Variants in MIPOL1 observed in about 807,000 individuals in gnomAD.
MIPOL1 encodes the protein mirror-image polydactyly gene 1 protein.
A neutral mutation model predicts 60.9 loss-of-function variants in MIPOL1; 57 were observed. That is an observed-to-expected ratio of 0.94 (90% CI 0.76 to 1.17). The LOEUF (loss-of-function observed/expected upper bound fraction) is 1.17. Among genes scored for constraint, MIPOL1 ranks in the 50% most tolerant of loss-of-function variants. The pLI is 0.00. For synonymous variants in MIPOL1, 179 were observed against 168.8 expected (o/e 1.06, Z -0.47); for missense variants, 551 against 511.6 (o/e 1.08, Z -0.74).
At chr14:37,486,667 T>A (rs926628116) in intron 11 of MIPOL1, among the ~76,000 whole-genome samples, 1 of 152,062 alleles carries the variant, frequency 6.6e-6, no homozygotes, top group Admixed American at 6.6e-5. Context: ...TGATTTTTGC[T>A]CATTGATTTT....
chr14:37,208,808 C>T (rs1425123630), intron 1 of MIPOL1, among the ~76,000 whole-genome samples: 1 of 152,144 alleles, frequency 6.6e-6, no homozygotes, highest in Non-Finnish European at 1.5e-5. Flanking sequence ...CCAGGCTGGT[C>T]TCAAACTCCT....
Position 37,521,714 on chromosome 14 carries a change from T to G in MIPOL1, c.1262+21576T>G, listed in dbSNP as rs190865116. 9.4e-4 allele frequency among the ~76,000 whole-genome samples: 143 copies of G among 152,148 alleles called. 2 individuals are homozygous for G. The East Asian group carries it at 0.026, about 28-fold the overall frequency. ...GCGGATCTCTTCCAGTACTCCACTTTGCTCATTTGTGGGCTCTCAGAAGTC... is the reference window on the plus strand; with the variant it reads ...GCGGATCTCTTCCAGTACTCCACTTGGCTCATTTGTGGGCTCTCAGAAGTC... On this transcript the variant is annotated intron_variant, in intron 12 of 12. Coordinates refer to ENST00000684589, the MANE Select transcript of MIPOL1 (RefSeq NM_001388067.1).
intron 1 of MIPOL1, among the ~76,000 whole-genome samples, chr14:37,212,657 G>A (rs557141118): frequency 4.1e-4 from 62 of 152,288 alleles, no homozygotes; most frequent in Non-Finnish European, 6.2e-4. Flanking sequence ...ACCCTGAAGG[G>A]AAGGACATAG....
At chr14:37,233,368 A>T (rs1263353642) in intron 1 of MIPOL1, among the ~76,000 whole-genome samples, 2 of 152,174 alleles carry the variant, frequency 1.3e-5, no homozygotes, top group East Asian at 3.9e-4. Context: ...CAAAAAGTTT[A>T]TTCTATATGT....
intron 10 of MIPOL1, among the ~76,000 whole-genome samples, chr14:37,385,260 G>A (rs1252351839): frequency 6.6e-6 from 1 of 152,022 alleles, no homozygotes; most frequent in Non-Finnish European, 1.5e-5. Flanking sequence ...ATATTTAATT[G>A]GCTACATTTA....
At chr14:37,509,981 T>A (rs2095313852) in intron 12 of MIPOL1, among the ~76,000 whole-genome samples, 1 of 151,678 alleles carries the variant, frequency 6.6e-6, no homozygotes, top group Non-Finnish European at 1.5e-5. Context: ...TATGCATACA[T>A]ACGTAGTTTA....
chr14:37,513,141 C>A (rs933819870), intron 12 of MIPOL1, among the ~76,000 whole-genome samples: 1 of 151,938 alleles, frequency 6.6e-6, no homozygotes, highest in Non-Finnish European at 1.5e-5. Flanking sequence ...AATTTTTATT[C>A]TTTGACATGT....
At chr14:37,365,561 C>T (rs942257134) in intron 9 of MIPOL1, among the ~76,000 whole-genome samples, 2 of 152,146 alleles carry the variant, frequency 1.3e-5, no homozygotes, top group Non-Finnish European at 2.9e-5. Flanking sequence ...ATAAATCCCA[C>T]TTAGTCATGA....
chr14:37,467,713 A>C (rs1411344399), intron 11 of MIPOL1, among the ~76,000 whole-genome samples: 1 of 152,130 alleles, frequency 6.6e-6, no homozygotes, highest in African/African-American at 2.4e-5. Context: ...AATATTAAGC[A>C]GTCTTTGAGG....
chr14:37,444,242 A>G (rs989088341), intron 11 of MIPOL1, among the ~76,000 whole-genome samples: 1 of 152,168 alleles, frequency 6.6e-6, no homozygotes, highest in Non-Finnish European at 1.5e-5. Context: ...TGGAAATACA[A>G]TTGATTTTTA....
intron 1 of MIPOL1, among the ~76,000 whole-genome samples, chr14:37,222,962 T>C (rs1381079374): frequency 6.6e-6 from 1 of 152,088 alleles, no homozygotes; most frequent in Non-Finnish European, 1.5e-5. Context: ...AAAGAGAGGG[T>C]CTTCATCTAT....
intron 12 of MIPOL1, among the ~76,000 whole-genome samples, chr14:37,501,292 T>C (rs1295038129): frequency 6.6e-6 from 1 of 152,252 alleles, no homozygotes; most frequent in Admixed American, 6.5e-5. Flanking sequence ...CTATGATGTA[T>C]AGGTAGATCT....
chr14:37,412,925 A>T (rs933706112), intron 10 of MIPOL1, among the ~76,000 whole-genome samples: 1 of 152,188 alleles, frequency 6.6e-6, no homozygotes, highest in Non-Finnish European at 1.5e-5. Flanking sequence ...AATAATTAAA[A>T]TGGGGCTTGA....
chr14:37,426,651 G>GTATA (rs200593789), intron 11 of MIPOL1, among the ~76,000 whole-genome samples: 27 of 137,808 alleles, frequency 2.0e-4, no homozygotes, highest in African/African-American at 7.0e-4. Context: ...TTATATATGT[G>GTATA]TATATATATA....
chr14:37,354,077 A>C lies in MIPOL1; in HGVS notation c.829-15440A>C, dbSNP rs1178102118. Reference sequence around the variant, plus strand: ...AAATTTCCCTCTACACACTGCTTTGAATGTGTCCCAGAGATTCTGGTATGT... The same window carrying C: ...AAATTTCCCTCTACACACTGCTTTGCATGTGTCCCAGAGATTCTGGTATGT... On this transcript the variant is annotated intron_variant, in intron 9 of 12. Coordinates refer to ENST00000684589, the MANE Select transcript of MIPOL1 (RefSeq NM_001388067.1). 2.0e-5 allele frequency among the ~76,000 whole-genome samples: 3 copies of C among 148,962 alleles called. No individual in the cohort carries two copies. The East Asian group carries it at 6.0e-4, about 30-fold the overall frequency.
At chr14:37,385,438 T>TTG (rs760468765) in intron 10 of MIPOL1, 6 of 152,216 alleles carry the variant, frequency 3.9e-5, no homozygotes, top group African/African-American at 1.4e-4. Context: ...TTAAGGGTGT[T>TTG]TGTGGTTGTC....
intron 1 of MIPOL1, chr14:37,198,350 C>T (rs931900919): frequency 2.0e-5 from 3 of 152,186 alleles, no homozygotes; most frequent in Non-Finnish European, 4.4e-5. Flanking sequence ...CTCCAGTTTC[C>T]TAATACTGGA....
chr14:37,251,726 A>C (rs1974143870), intron 3 of MIPOL1, among the ~76,000 whole-genome samples: 1 of 152,040 alleles, frequency 6.6e-6, no homozygotes, highest in South Asian at 2.1e-4. Flanking sequence ...TATTTGGAAT[A>C]CTGTTATAAA....
At chr14:37,397,577 C>A (rs2093398525) in intron 10 of MIPOL1, among the ~76,000 whole-genome samples, 1 of 152,104 alleles carries the variant, frequency 6.6e-6, no homozygotes, top group Non-Finnish European at 1.5e-5. Flanking sequence ...TGCCCTTTGT[C>A]TTCAGCTACC....
Sources: gnomAD v4.1 joint callset for allele counts (sites outside exome capture counted in the v4.1 genomes callset) on GRCh38, gnomAD v4.1.1 for gene constraint, MANE v1.5 for transcripts, NCBI Gene and HGNC (gene_info 2026-07-23, HGNC 2026-07-21) for gene names.